WWP1: variants seen among roughly 807,000 people sequenced by gnomAD.
WWP1 encodes the protein NEDD4-like E3 ubiquitin-protein ligase WWP1.
In WWP1, 49 loss-of-function variants were observed where a neutral mutation model predicts 130.6. The ratio of observed to expected loss-of-function variants is 0.38; its 90% CI spans 0.30 to 0.48. WWP1 has a LOEUF of 0.48. WWP1 is among the 20% of genes least tolerant of loss of function. The pLI is 0.99. For synonymous variants in WWP1, 332 were observed against 367.8 expected, an observed-to-expected ratio of 0.90 and a Z score of 1.11; for missense variants, 809 against 1,100.6, an observed-to-expected ratio of 0.74 and a Z score of 3.75.
At chr8:86,387,604 C>T (rs535936369) in intron 5 of WWP1, among the ~76,000 whole-genome samples, 5 of 152,038 alleles carry the variant, frequency 3.3e-5, no homozygotes, top group Admixed American at 2.0e-4. Flanking sequence ...CCTTTGCCTC[C>T]TAGGTTCAAG....
chr8:86,372,048 G>C (rs959966057), intron 2 of WWP1, among the ~76,000 whole-genome samples: 1 of 130,244 alleles, frequency 7.7e-6, no homozygotes, highest in Non-Finnish European at 1.6e-5. Flanking sequence ...TTTTGAGACG[G>C]AGTTTCGCTC....
chr8:86,440,378 A>T (rs940865515), intron 17 of WWP1, among the ~76,000 whole-genome samples: 2 of 152,208 alleles, frequency 1.3e-5, no homozygotes, highest in Non-Finnish European at 2.9e-5. Flanking sequence ...ATATATTCCT[A>T]CAGTCTTTGC....
intron 9 of WWP1, 75 bp downstream of exon 9, chr8:86,411,949 A>G: frequency 2.1e-5 from 28 of 1,344,368 alleles, no homozygotes; most frequent in Non-Finnish European, 2.8e-5. Flanking sequence ...GAATGTGTGC[A>G]TAAAATGTTT....
At chr8:86,452,205 T>C (rs1392193936) in intron 20 of WWP1, among the ~76,000 whole-genome samples, 1 of 152,146 alleles carries the variant, frequency 6.6e-6, no homozygotes. Context: ...GGGCACATGA[T>C]ATTTGGATTT....
At chr8:86,447,789 G>T (rs999265493) in intron 18 of WWP1, among the ~76,000 whole-genome samples, 4 of 152,240 alleles carry the variant, frequency 2.6e-5, no homozygotes, top group African/African-American at 9.6e-5. Context: ...AGTAAGAAAC[G>T]AACGAGAGAG....
chr8:86,418,014 A>G (rs570530442), intron 9 of WWP1, among the ~76,000 whole-genome samples: 1 of 152,208 alleles, frequency 6.6e-6, no homozygotes, highest in African/African-American at 2.4e-5. Flanking sequence ...ATAAAAGTGG[A>G]TGAAGAGGCT....
At chr8:86,425,133 T>G (rs1809545746) in intron 9 of WWP1, 90 bp from the exon 10 acceptor site, 2 of 903,068 alleles carry the variant, frequency 2.2e-6, no homozygotes, top group Non-Finnish European at 3.4e-6. Context: ...GTAAAGCTTA[T>G]CTGTAATTTT....
intron 18 of WWP1, among the ~76,000 whole-genome samples, chr8:86,446,464 G>A (rs1452859586): frequency 6.6e-6 from 1 of 151,908 alleles, no homozygotes; most frequent in Non-Finnish European, 1.5e-5. Flanking sequence ...CTCTTGCTGT[G>A]CAGAAGCTCT....
chr8:86,372,107 T>G (rs1824344070), intron 2 of WWP1, among the ~76,000 whole-genome samples: 1 of 135,694 alleles, frequency 7.4e-6, no homozygotes, highest in African/African-American at 2.8e-5. Flanking sequence ...CACTGCAAGC[T>G]CCGCCTCCCG....
chr8:86,361,983 T>TATACACACATATATATACACAC (rs1823635011), intron 1 of WWP1, among the ~76,000 whole-genome samples: 1 of 142,094 alleles, frequency 7.0e-6, no homozygotes, highest in African/African-American at 2.5e-5. Context: ...TGTATATATA[T>TATACACACATATATATACACAC]ATATATATAC....
chr8:86,407,171 A>G (rs1336586831), intron 8 of WWP1, among the ~76,000 whole-genome samples: 1 of 152,190 alleles, frequency 6.6e-6, no homozygotes, highest in South Asian at 2.1e-4. Context: ...TAACTATTAC[A>G]TAAGATTTTA....
chr8:86,416,352 G>A (rs145742545), intron 9 of WWP1, among the ~76,000 whole-genome samples: 24 of 152,272 alleles, frequency 1.6e-4, no homozygotes, highest in Non-Finnish European at 3.4e-4. Context: ...TTGTAAAATG[G>A]AAGAGACTGA....
chr8:86,450,542 A>G (rs566231420), intron 20 of WWP1, among the ~76,000 whole-genome samples: 1 of 152,388 alleles, frequency 6.6e-6, no homozygotes, highest in South Asian at 2.1e-4. Flanking sequence ...AACAGTCTAA[A>G]TAAAATTTCA....
chr8:86,389,364 G>A lies in WWP1; in HGVS notation c.334+7735G>A, dbSNP rs143003933. On this transcript the variant is annotated intron_variant, in intron 5 of 24. Coordinates refer to ENST00000517970, the MANE Select transcript of WWP1 (RefSeq NM_007013.4). Reference sequence around the variant, plus strand: ...ATTAGGGAGTGTGATGACTCTTAACGAGTATGCTGCCTTCAAGCATCTGTT... The same window carrying A: ...ATTAGGGAGTGTGATGACTCTTAACAAGTATGCTGCCTTCAAGCATCTGTT... Among the ~76,000 whole-genome samples, 358 of 152,232 alleles carry A rather than the reference G, an allele frequency of 2.4e-3. 2 individuals carry two copies. The highest frequency in any genetic ancestry group is 7.7e-3 in the African/African-American group (318 of 41,536).
chr8:86,358,946 C>G (rs187585360), intron 1 of WWP1, among the ~76,000 whole-genome samples: 18 of 152,228 alleles, frequency 1.2e-4, no homozygotes, highest in Admixed American at 5.2e-4. Context: ...CAAATAGCAA[C>G]TAGTTCAAAA....
chr8:86,346,279 T>C (rs1416875132), intron 1 of WWP1, among the ~76,000 whole-genome samples: 1 of 151,860 alleles, frequency 6.6e-6, no homozygotes, highest in African/African-American at 2.4e-5. Flanking sequence ...AGGAGAGAGG[T>C]GATGTAAGTG....
At chr8:86,450,884 A>G (rs776632049) in intron 20 of WWP1, among the ~76,000 whole-genome samples, 3 of 152,008 alleles carry the variant, frequency 2.0e-5, no homozygotes, top group Non-Finnish European at 4.4e-5. Flanking sequence ...GAGTCAGGAA[A>G]GTTCTTCATA....
intron 9 of WWP1, among the ~76,000 whole-genome samples, chr8:86,419,158 G>A (rs1057274800): frequency 2.0e-5 from 3 of 152,126 alleles, no homozygotes; most frequent in African/African-American, 4.8e-5. Flanking sequence ...GGTGGCTCCC[G>A]TCTGTAATCC....
At chr8:86,413,171 CTT>C (rs919295497) in intron 9 of WWP1, among the ~76,000 whole-genome samples, 1 of 152,128 alleles carries the variant, frequency 6.6e-6, no homozygotes, top group African/African-American at 2.4e-5. Context: ...TCAGGCCAGA[CTT>C]TTCTTTGAGC....
Sources: allele counts gnomAD v4.1 joint callset (sites outside exome capture counted in the v4.1 genomes callset), GRCh38; gene constraint gnomAD v4.1.1; transcripts MANE v1.5; gene names NCBI Gene and HGNC (gene_info 2026-07-23, HGNC 2026-07-21).